Variants in ARK2C observed in about 807,000 individuals in gnomAD.
ARK2C encodes the protein arkadia (RNF111) C-terminal like ring finger ubiquitin ligase 2C.
At chr18:46,447,499 G>A in the ARK2C span, 2 of 1,594,632 alleles carry the variant, frequency 1.3e-6, no homozygotes, top group South Asian at 1.1e-5. Context: ...TGATGTCTGA[G>A]GTCCCTTCTC....
chr18:46,362,512 C>T, the ARK2C span, among the ~76,000 whole-genome samples: 4 of 152,210 alleles, frequency 2.6e-5, no homozygotes, highest in Admixed American at 2.6e-4. Context: ...CTCTCTGTCA[C>T]TCAGGGGTTT....
chr18:46,424,132 A>G, the ARK2C span, among the ~76,000 whole-genome samples: 2 of 152,234 alleles, frequency 1.3e-5, no homozygotes, highest in Non-Finnish European at 1.5e-5. Flanking sequence ...CACAAATCAG[A>G]TGGAGAGGAG....
the ARK2C span, among the ~76,000 whole-genome samples, chr18:46,365,048 A>G: frequency 6.6e-6 from 1 of 152,238 alleles, no homozygotes; most frequent in Admixed American, 6.5e-5. Context: ...CTTTCTTCTA[A>G]TGCCCTATAA....
chr18:46,390,635 T>G, the ARK2C span, among the ~76,000 whole-genome samples: 2 of 152,238 alleles, frequency 1.3e-5, no homozygotes, highest in African/African-American at 2.4e-5. Context: ...TTCTTTTCTC[T>G]GTAGGACAGT....
At chr18:46,435,346 C>T in the ARK2C span, 21 of 1,614,040 alleles carry the variant, frequency 1.3e-5, no homozygotes, top group Middle Eastern at 1.6e-4. Flanking sequence ...GCTTCGACTT[C>T]GGCCAACTGC....
chr18:46,412,987 G>A, the ARK2C span, among the ~76,000 whole-genome samples: 10 of 152,222 alleles, frequency 6.6e-5, no homozygotes, highest in South Asian at 4.2e-4. Flanking sequence ...ATGCTTGCAC[G>A]TCAAACAACA....
At chr18:46,428,185 C>T in the ARK2C span, among the ~76,000 whole-genome samples, 21 of 151,962 alleles carry the variant, frequency 1.4e-4, no homozygotes, top group Non-Finnish European at 1.0e-4. Context: ...CCGAGGCTGG[C>T]GGACCACGAG....
At chr18:46,428,006 C>A in the ARK2C span, among the ~76,000 whole-genome samples, 1 of 152,194 alleles carries the variant, frequency 6.6e-6, no homozygotes, top group South Asian at 2.1e-4. Context: ...AAGTGGACCT[C>A]CTAATGAGTC....
the ARK2C span, among the ~76,000 whole-genome samples, chr18:46,432,237 C>G: frequency 5.3e-5 from 8 of 152,168 alleles, no homozygotes; most frequent in African/African-American, 1.9e-4. Flanking sequence ...TCATCAAGCT[C>G]AATTTTATTT....
At chr18:46,430,667 C>T in the ARK2C span, among the ~76,000 whole-genome samples, 4 of 152,062 alleles carry the variant, frequency 2.6e-5, no homozygotes, top group Non-Finnish European at 5.9e-5. Context: ...CTTCTCATTC[C>T]GGTTTCTGAG....
the ARK2C span, among the ~76,000 whole-genome samples, chr18:46,390,217 C>A: frequency 6.6e-6 from 1 of 152,218 alleles, no homozygotes; most frequent in South Asian, 2.1e-4. Flanking sequence ...GGGACTCTCA[C>A]CTAGGATGTC....
the ARK2C span, among the ~76,000 whole-genome samples, chr18:46,428,198 C>G: frequency 6.6e-6 from 1 of 152,030 alleles, no homozygotes; most frequent in East Asian, 1.9e-4. Flanking sequence ...ACCACGAGGT[C>G]AGGAGATCAA....
chr18:46,349,548 G>T, the ARK2C span, among the ~76,000 whole-genome samples: 1 of 152,168 alleles, frequency 6.6e-6, no homozygotes, highest in African/African-American at 2.4e-5. Flanking sequence ...AACTCTAGAG[G>T]GAGGTCAGCG....
chr18:46,336,377 C>T, the ARK2C span: 5 of 972,492 alleles, frequency 5.1e-6, no homozygotes, highest in Non-Finnish European at 6.0e-6. Context: ...TCCCTCACCC[C>T]CCCCAACAAA....
the ARK2C span, among the ~76,000 whole-genome samples, chr18:46,430,765 C>T: frequency 6.6e-6 from 1 of 152,266 alleles, no homozygotes; most frequent in African/African-American, 2.4e-5. Flanking sequence ...TTCTTGTTTT[C>T]TCATTGATCC....
chr18:46,367,554 A>C, the ARK2C span, among the ~76,000 whole-genome samples: 1 of 152,180 alleles, frequency 6.6e-6, no homozygotes, highest in African/African-American at 2.4e-5. Context: ...TATTGGACCC[A>C]TTGCCTTGTG....
chr18:46,450,409 C>T, the ARK2C span: 2 of 1,586,910 alleles, frequency 1.3e-6, no homozygotes, highest in Non-Finnish European at 1.7e-6. Context: ...AGGTATGTTG[C>T]TCTGTCTGGT....
At chr18:46,389,082 A>G in the ARK2C span, among the ~76,000 whole-genome samples, 1 of 152,194 alleles carries the variant, frequency 6.6e-6, no homozygotes, top group African/African-American at 2.4e-5. Flanking sequence ...GGGGGAAGAC[A>G]GGCTTAGGGA....
chr18:46,455,616 C>T, the ARK2C span, among the ~76,000 whole-genome samples: 1 of 152,208 alleles, frequency 6.6e-6, no homozygotes, highest in Non-Finnish European at 1.5e-5. Context: ...GCAAGCAGAT[C>T]ACCTGAGCTC....
Sources: gnomAD v4.1 joint callset for allele counts (sites outside exome capture counted in the v4.1 genomes callset) on GRCh38, gnomAD v4.1.1 for gene constraint, MANE v1.5 for transcripts, NCBI Gene and HGNC (gene_info 2026-07-23, HGNC 2026-07-21) for gene names.